The following TRIT1 variants were observed in gnomAD, a reference collection of about 807,000 sequenced individuals.
The protein encoded by TRIT1 is tRNA isopentenyltransferase 1.
TRIT1 carries 43 observed loss-of-function variants against 51.2 expected under a neutral mutation model. The observed-to-expected ratio is 0.84, with a 90% CI of 0.66 to 1.08. The LOEUF is 1.08. Among genes scored for constraint, TRIT1 ranks in the 50% least tolerant of loss-of-function variants. The pLI, the probability that TRIT1 is intolerant of heterozygous loss-of-function variation, is 0.00. For synonymous variants in TRIT1, 184 were observed against 203.9 expected, an observed-to-expected ratio of 0.90 and a Z score of 0.83; for missense variants, 528 against 578.4, an observed-to-expected ratio of 0.91 and a Z score of 0.89.
chr1:39,870,763 A>G (rs945981564), intron 1 of TRIT1, among the ~76,000 whole-genome samples: 1 of 152,236 alleles, frequency 6.6e-6, no homozygotes, highest in Non-Finnish European at 1.5e-5. Flanking sequence ...AAGTTAAACC[A>G]TAAAGTTACC....
chr1:39,871,854 T>C (rs866278717), intron 1 of TRIT1, among the ~76,000 whole-genome samples: 5 of 152,106 alleles, frequency 3.3e-5, no homozygotes, highest in African/African-American at 7.2e-5. Context: ...TCAAAACCCA[T>C]AGAACTAAAC....
At position 39,852,835 on chromosome 1, in the gene TRIT1, C is replaced by T. The variant is rs1642664413; in HGVS notation, c.456G>A (p.Val152=). ...CAAGACCATCCTCCTTTTCAAGCTC[C>T]ACTTTTCGGTCAATCACTTTCTCAG... ...MGTEKVIDRK[V]ELEKEDGLVL... The change falls in exon 4 of 11, where the codon GTG becomes GTA. Residue 152 remains valine, a synonymous_variant. Transcript: ENST00000316891. The T allele has an allele frequency of 6.2e-7, 1 of 1,614,186 alleles. No homozygotes were observed. The highest frequency in any genetic ancestry group is 1.1e-5 in the South Asian group (1 of 91,084).
intron 1 of TRIT1, among the ~76,000 whole-genome samples, chr1:39,865,934 A>G (rs1478268052): frequency 6.6e-6 from 1 of 151,202 alleles, no homozygotes; most frequent in Non-Finnish European, 1.5e-5. Flanking sequence ...GGAAGGAATG[A>G]AAGGAAAAAG....
At chr1:39,879,257 AAAACAAACAAAC>A (rs542379737) in intron 1 of TRIT1, among the ~76,000 whole-genome samples, 11 of 151,884 alleles carry the variant, frequency 7.2e-5, no homozygotes, top group Non-Finnish European at 1.2e-4. Flanking sequence ...ACTCCATCTT[AAAACAAACAAAC>A]AAACAAACAA....
At chr1:39,874,749 T>C (rs1643993879) in intron 1 of TRIT1, among the ~76,000 whole-genome samples, 3 of 151,876 alleles carry the variant, frequency 2.0e-5, no homozygotes, top group South Asian at 4.2e-4. Context: ...CACTGCAACC[T>C]CCGCCTCCTG....
chr1:39,876,843 G>A (rs972393486), intron 1 of TRIT1, among the ~76,000 whole-genome samples: 1 of 150,860 alleles, frequency 6.6e-6, no homozygotes, highest in Non-Finnish European at 1.5e-5. Flanking sequence ...CAGGAGAATG[G>A]CTAGAACTTG....
chr1:39,848,903 T>C (rs910535975), intron 5 of TRIT1, among the ~76,000 whole-genome samples: 2 of 151,990 alleles, frequency 1.3e-5, no homozygotes, highest in Middle Eastern at 3.4e-3. Context: ...GTCGTAATTG[T>C]TCAGATGTGA....
At chr1:39,871,914 G>GT (rs947968229) in intron 1 of TRIT1, among the ~76,000 whole-genome samples, 6 of 151,830 alleles carry the variant, frequency 4.0e-5, no homozygotes, top group African/African-American at 1.5e-4. Flanking sequence ...TTTTAAAAAT[G>GT]TTTTTTTGGG....
chr1:39,862,090 T>C lies in TRIT1; in HGVS notation c.175-4673A>G, dbSNP rs370306721. 4.6e-5 allele frequency among the ~76,000 whole-genome samples: 7 copies of C among 152,210 alleles called. No individual in the cohort carries two copies. The East Asian group carries it at 9.6e-4, about 21-fold the overall frequency. ...GAAGTACCTAGAGTAGTCAAATTCATAGAGACACAAAGTAGAATATTAGTT... is the reference window on the plus strand; with the variant it reads ...GAAGTACCTAGAGTAGTCAAATTCACAGAGACACAAAGTAGAATATTAGTT... On this transcript the variant is annotated intron_variant, in intron 1 of 10. Coordinates refer to ENST00000316891, the MANE Select transcript of TRIT1 (RefSeq NM_017646.6).
At position 39,849,682 on chromosome 1, in the gene TRIT1, A is replaced by C. The variant is rs184792483; in HGVS notation, c.703+437T>G. ...TGAATGCTTACTGAATGTTTGCTGGATGAATAAGTTACTACTATCACGGAC... is the reference window on the plus strand; with the variant it reads ...TGAATGCTTACTGAATGTTTGCTGGCTGAATAAGTTACTACTATCACGGAC... On this transcript the variant is annotated intron_variant, in intron 5 of 10. Coordinates refer to ENST00000316891, the MANE Select transcript of TRIT1 (RefSeq NM_017646.6). Among the ~76,000 whole-genome samples the C allele has an allele frequency of 4.2e-3, 639 of 152,356 alleles. 5 individuals carry two copies. The highest frequency in any genetic ancestry group is 0.015 in the African/African-American group (608 of 41,574).
In TRIT1 at chr1:39,852,842, C is replaced by T. The variant is rs777502421; in HGVS notation, c.449G>A (p.Arg150Gln). 10 of 1,614,058 alleles carry T rather than the reference C, an allele frequency of 6.2e-6. No individual in the cohort carries two copies. Among genetic ancestry groups the T allele is most frequent in the East Asian group, 2.2e-5 (1 of 44,898 alleles). Residue 150 changes from arginine (R) to glutamine (Q), a missense_variant, in exon 4 of 11, where the codon CGA (arginine) becomes CAA (glutamine). Arg to Gln is a conservative substitution (Grantham distance 43). Transcript: ENST00000316891. ...ATCCTCCTTTTCAAGCTCCACTTTT[C>T]GGTCAATCACTTTCTCAGTGCCCAT... ...QEMGTEKVID[R>Q]KVELEKEDGL... is the part of the protein sequence containing the mutation.
chr1:39,869,255 G>A (rs895725012), intron 1 of TRIT1, among the ~76,000 whole-genome samples: 2 of 152,166 alleles, frequency 1.3e-5, no homozygotes, highest in African/African-American at 4.8e-5. Flanking sequence ...GGCGCACGCC[G>A]CCACGCCTGA....
chr1:39,868,480 T>C (rs1643671656), intron 1 of TRIT1, among the ~76,000 whole-genome samples: 1 of 151,580 alleles, frequency 6.6e-6, no homozygotes, highest in Non-Finnish European at 1.5e-5. Context: ...TCATCTCTAC[T>C]AAAAATACAA....
intron 1 of TRIT1, among the ~76,000 whole-genome samples, chr1:39,880,397 C>G (rs1644221454): frequency 6.6e-6 from 1 of 150,436 alleles, no homozygotes; most frequent in Non-Finnish European, 1.5e-5. Context: ...AATGTTATTT[C>G]AAGTAGCTGG....
rs193021480 is a variant in TRIT1, at chr1:39,871,767, C to A, written c.174+11551G>T. On this transcript the variant is annotated intron_variant, in intron 1 of 10. Transcript: ENST00000316891. ...ATAGAGGGGTTGACTACAAAGGGGC[C>A]ACTATAAGGGATTTTTTAGGGTGAT... Among the ~76,000 whole-genome samples the A allele has an allele frequency of 3.5e-3, 525 of 152,100 alleles. 1 individual carries two copies. Among genetic ancestry groups the A allele is most frequent in the African/African-American group, 0.012 (480 of 41,502 alleles).
chr1:39,840,052 C>A lies in TRIT1; in HGVS notation c.*1692G>T, dbSNP rs1652499661. 6.6e-6 allele frequency among the ~76,000 whole-genome samples: 1 copy of A among 152,150 alleles called. No individual in the cohort carries two copies. Among genetic ancestry groups the A allele is most frequent in the South Asian group, 2.1e-4 (1 of 4,834 alleles). On this transcript the variant is annotated 3_prime_UTR_variant, in exon 11 of 11. Transcript: ENST00000316891. ...TTGCTAGCTGTACTCCATTGCTGAG[C>A]CTTAGTTTCCTCCCTGGTTAACAGC...
intron 1 of TRIT1, among the ~76,000 whole-genome samples, chr1:39,868,983 C>T (rs944156870): frequency 4.6e-5 from 7 of 152,282 alleles, no homozygotes; most frequent in African/African-American, 1.4e-4. Flanking sequence ...TCGCTTGAAC[C>T]GATGAGGCAG....
chr1:39,851,326 A>AGTAATGAGT (rs1642556025), intron 4 of TRIT1, among the ~76,000 whole-genome samples: 1 of 152,172 alleles, frequency 6.6e-6, no homozygotes, highest in African/African-American at 2.4e-5. Flanking sequence ...TCTCAAACTC[A>AGTAATGAGT]TTACTCGTTT....
At chr1:39,871,053 C>T (rs1417212921) in intron 1 of TRIT1, among the ~76,000 whole-genome samples, 1 of 152,120 alleles carries the variant, frequency 6.6e-6, no homozygotes, top group African/African-American at 2.4e-5. Flanking sequence ...ATTAGCTGGG[C>T]GTGGTCGCAC....
Sources: gnomAD v4.1 joint callset for allele counts (sites outside exome capture counted in the v4.1 genomes callset) on GRCh38, gnomAD v4.1.1 for gene constraint, MANE v1.5 for transcripts, NCBI Gene and HGNC (gene_info 2026-07-23, HGNC 2026-07-21) for gene names.